NECTIN1: variants seen among roughly 807,000 people sequenced by gnomAD.
NECTIN1 encodes nectin-1.
Under a neutral mutation model 48.0 loss-of-function variants are expected in NECTIN1, and 23 were observed. The ratio of observed to expected loss-of-function variants is 0.48; its 90% CI spans 0.34 to 0.68. The LOEUF (loss-of-function observed/expected upper bound fraction) is 0.68. Ranked by LOEUF, NECTIN1 falls within the 30% of genes least tolerant of loss-of-function variation. NECTIN1 has a pLI of 0.01. For synonymous variants in NECTIN1, 270 were observed against 288.9 expected, an observed-to-expected ratio of 0.93 and a Z score of 0.66; for missense variants, 591 against 709.9, an observed-to-expected ratio of 0.83 and a Z score of 1.90.
chr11:119,723,924 T>C (rs186569504), intron 1 of NECTIN1, among the ~76,000 whole-genome samples: 3 of 152,262 alleles, frequency 2.0e-5, no homozygotes, highest in Admixed American at 1.3e-4. Flanking sequence ...CGTTTTCTAG[T>C]TGGGCTTGGG....
intron 1 of NECTIN1, among the ~76,000 whole-genome samples, chr11:119,705,084 A>G (rs1865525430): frequency 6.6e-6 from 1 of 152,206 alleles, no homozygotes; most frequent in African/African-American, 2.4e-5. Flanking sequence ...ACGGGAGGCC[A>G]GCCCACATCA....
Position 119,661,224 on chromosome 11 carries a change from T to C in NECTIN1, c.*3523A>G. The C allele has an allele frequency of 1.0e-6, 1 of 985,826 alleles. No individual in the cohort carries two copies. The highest frequency in any genetic ancestry group is 1.2e-6 in the Non-Finnish European group (1 of 829,920). 61.1% of individuals were successfully genotyped at this position (985,826 alleles called of 1,614,324 possible). Reference sequence around the variant, plus strand: ...AGGGTGGCAGCTTCTCCTGGATTCTTTTCATTTATACAAAAAAGGAAAACC... The same window carrying C: ...AGGGTGGCAGCTTCTCCTGGATTCTCTTCATTTATACAAAAAAGGAAAACC... On this transcript the variant is annotated 3_prime_UTR_variant, in exon 6 of 6. Coordinates refer to ENST00000264025, the MANE Select transcript of NECTIN1 (RefSeq NM_002855.5).
In NECTIN1 at chr11:119,664,746, G is replaced by T; in HGVS notation, c.*1C>A. The T allele has an allele frequency of 1.9e-6, 3 of 1,608,614 alleles. No homozygotes were observed. The highest frequency in any genetic ancestry group is 2.5e-6 in the Non-Finnish European group (3 of 1,177,184). The stretch of plus-strand genomic sequence containing the variant: ...CACAGACAGAGGCTCTGGAAGGGGG[G>T]CTACACGTACCACTCCTTCTTGGAA... On this transcript the variant is annotated 3_prime_UTR_variant, in exon 6 of 6. Coordinates refer to ENST00000264025, the MANE Select transcript of NECTIN1 (RefSeq NM_002855.5).
chr11:119,687,752 A>G (rs961793505), intron 1 of NECTIN1, among the ~76,000 whole-genome samples: 3 of 152,222 alleles, frequency 2.0e-5, no homozygotes, highest in African/African-American at 4.8e-5. Context: ...CGCAGGCTTC[A>G]GGCTGATGTT....
Position 119,672,174 on chromosome 11 carries a change from C to T in NECTIN1, c.1003+2985G>A, listed in dbSNP as rs567492792. Among the ~76,000 whole-genome samples the T allele has an allele frequency of 6.6e-6, 1 of 150,938 alleles. No individual in the cohort carries two copies. Among genetic ancestry groups the T allele is most frequent in the Non-Finnish European group, 1.5e-5 (1 of 68,018 alleles). On this transcript the variant is annotated intron_variant, in intron 5 of 5. Coordinates refer to ENST00000264025, the MANE Select transcript of NECTIN1 (RefSeq NM_002855.5). The surrounding 1 kb of genome is among the most constrained non-coding windows in gnomAD (Gnocchi z 4.3). ...AATGTGAGTTGGGACAGACGCCCTG[C>T]ACCCTGGGATGGACATCCTACACCC...
intron 5 of NECTIN1, among the ~76,000 whole-genome samples, chr11:119,649,653 G>A (rs574510871): frequency 3.3e-5 from 5 of 152,256 alleles, no homozygotes; most frequent in East Asian, 3.9e-4. Flanking sequence ...TCGCACCACC[G>A]CACTCCAGCC....
intron 1 of NECTIN1, among the ~76,000 whole-genome samples, chr11:119,692,781 G>T (rs552325885): frequency 6.6e-6 from 1 of 152,350 alleles, no homozygotes; most frequent in South Asian, 2.1e-4. Flanking sequence ...CACACAGTCT[G>T]CAAGACTGAT....
At chr11:119,720,380 C>T (rs923441480) in intron 1 of NECTIN1, among the ~76,000 whole-genome samples, 38 of 152,392 alleles carry the variant, frequency 2.5e-4, no homozygotes, top group East Asian at 9.6e-4. Context: ...GGGCACTCCA[C>T]GAGCCCACGC....
At chr11:119,718,779 A>C (rs539964558) in intron 1 of NECTIN1, among the ~76,000 whole-genome samples, 3 of 152,324 alleles carry the variant, frequency 2.0e-5, no homozygotes, top group South Asian at 2.1e-4. Context: ...CAGCCACATG[A>C]ATACTCCCAA....
chr11:119,714,666 A>G (rs1454015937), intron 1 of NECTIN1, among the ~76,000 whole-genome samples: 1 of 151,354 alleles, frequency 6.6e-6, no homozygotes, highest in African/African-American at 2.4e-5. Context: ...CTCTCTCCCC[A>G]TCGCCAACTT....
chr11:119,674,814 C>G (rs1464929781), intron 5 of NECTIN1, among the ~76,000 whole-genome samples: 1 of 152,182 alleles, frequency 6.6e-6, no homozygotes, highest in African/African-American at 2.4e-5. Flanking sequence ...ACCTGCAAAC[C>G]TATCCCCACC....
At chr11:119,697,802 CT>C (rs1484929115) in intron 1 of NECTIN1, among the ~76,000 whole-genome samples, 1 of 152,218 alleles carries the variant, frequency 6.6e-6, no homozygotes, top group Non-Finnish European at 1.5e-5. Flanking sequence ...GGAACCCTCT[CT>C]TAAGACCAGA....
rs1865650428 is a variant in NECTIN1, at chr11:119,711,713, A to G, written c.79+16762T>C. Among the ~76,000 whole-genome samples the G allele has an allele frequency of 1.3e-5, 2 of 152,170 alleles. 1 individual carries two copies. The highest frequency in any genetic ancestry group is 4.1e-4 in the South Asian group (2 of 4,830). On this transcript the variant is annotated intron_variant, in intron 1 of 5. Coordinates refer to ENST00000264025, the MANE Select transcript of NECTIN1 (RefSeq NM_002855.5). Reference sequence around the variant, plus strand: ...CGAGGAGTGCACTGGAGAAGCCAGGAGCAGTTTATTTTGACTGGAACCTAA... The same window carrying G: ...CGAGGAGTGCACTGGAGAAGCCAGGGGCAGTTTATTTTGACTGGAACCTAA...
rs184291938 is a variant in NECTIN1 at position 119,705,791 on chromosome 11, C to T, written c.79+22684G>A. Among the ~76,000 whole-genome samples the T allele has an allele frequency of 1.2e-4, 19 of 152,322 alleles. No individual in the cohort carries two copies. The East Asian group carries it at 1.7e-3, about 14-fold the overall frequency. On this transcript the variant is annotated intron_variant, in intron 1 of 5. Coordinates refer to ENST00000264025, the MANE Select transcript of NECTIN1 (RefSeq NM_002855.5). Reference sequence around the variant, plus strand: ...ACTGCAATCATCTGGGGCATCTTGGCGGCCCCTGCAGAGCTGGGGAGGGAG... The same window carrying T: ...ACTGCAATCATCTGGGGCATCTTGGTGGCCCCTGCAGAGCTGGGGAGGGAG...
chr11:119,644,435 C>T (rs1475414612), intron 5 of NECTIN1, among the ~76,000 whole-genome samples: 1 of 152,204 alleles, frequency 6.6e-6, no homozygotes, highest in South Asian at 2.1e-4. Context: ...TGTTCCTGCA[C>T]CCCAGGCTTC....
intron 1 of NECTIN1, among the ~76,000 whole-genome samples, chr11:119,705,539 A>G: frequency 6.6e-6 from 1 of 152,228 alleles, no homozygotes. Context: ...GGCAGCAGAC[A>G]GCAGGTGCAA....
intron 1 of NECTIN1, among the ~76,000 whole-genome samples, chr11:119,688,613 G>A (rs1187917597): frequency 1.3e-5 from 2 of 152,178 alleles, no homozygotes; most frequent in East Asian, 3.9e-4. Flanking sequence ...CTGGCCTAGA[G>A]GAAGGGAGTA....
At chr11:119,687,029 T>A (rs1865170547) in intron 1 of NECTIN1, among the ~76,000 whole-genome samples, 1 of 151,882 alleles carries the variant, frequency 6.6e-6, no homozygotes, top group Non-Finnish European at 1.5e-5. Flanking sequence ...CTGCATATTA[T>A]CCAAAAGGCA....
At position 119,678,786 on chromosome 11, in the gene NECTIN1, A is replaced by T. The variant is rs1368169950; in HGVS notation, c.80-21T>A. 4 of 1,570,890 alleles carry T rather than the reference A, an allele frequency of 2.5e-6. No individual in the cohort carries two copies. Among genetic ancestry groups the T allele is most frequent in the Non-Finnish European group, 3.5e-6 (4 of 1,153,408 alleles). Reference sequence around the variant, plus strand: ...GACGCCTGGCCAGGAGGATGGCAGCAAGTGGTCAGTGTCAGGCACAGCCTC... The same window carrying T: ...GACGCCTGGCCAGGAGGATGGCAGCTAGTGGTCAGTGTCAGGCACAGCCTC... On this transcript the variant is annotated intron_variant, in intron 1 of 5. Transcript: ENST00000264025. This position sits in a 1 kb window ranked among gnomAD's most constrained non-coding sequence, Gnocchi z 4.4.
Sources: allele counts gnomAD v4.1 joint callset (sites outside exome capture counted in the v4.1 genomes callset), GRCh38; gene constraint gnomAD v4.1.1; non-coding constraint Gnocchi (gnomAD v3.1); transcripts MANE v1.5; gene names NCBI Gene and HGNC (gene_info 2026-07-23, HGNC 2026-07-21).